The following KCNIP4 variants were observed in gnomAD, a reference collection of about 807,000 sequenced individuals.
KCNIP4 encodes Kv channel-interacting protein 4.
A neutral mutation model predicts 34.0 loss-of-function variants in KCNIP4; 12 were observed. That is an observed-to-expected ratio of 0.35 (90% CI 0.23 to 0.57). The LOEUF (loss-of-function observed/expected upper bound fraction) is 0.57. Ranked by LOEUF, KCNIP4 falls within the 20% of genes least tolerant of loss-of-function variation. KCNIP4 has a pLI of 0.83. For synonymous variants in KCNIP4, 124 were observed against 102.2 expected (o/e 1.21, Z -1.29); for missense variants, 238 against 311.7 (o/e 0.76, Z 1.78).
intron 1 of KCNIP4, among the ~76,000 whole-genome samples, chr4:21,178,538 G>T (rs1754605855): frequency 6.8e-6 from 1 of 146,522 alleles, no homozygotes; most frequent in Non-Finnish European, 1.5e-5. Context: ...AGTCCCATGG[G>T]TTTAACTTTC....
chr4:20,859,887 A>G (rs899529371), intron 2 of KCNIP4, among the ~76,000 whole-genome samples: 3 of 152,166 alleles, frequency 2.0e-5, no homozygotes, highest in African/African-American at 7.2e-5. Context: ...ATGAAGAATA[A>G]TGTCACTTTT....
chr4:21,531,346 CCCCTCCCT>C lies in KCNIP4; in HGVS notation c.61+417217_61+417224del, dbSNP rs1232382967. Among the ~76,000 whole-genome samples, 116 of 89,786 alleles carry C rather than the reference CCCCTCCCT, an allele frequency of 1.3e-3. 2 individuals are homozygous for C. The highest frequency in any genetic ancestry group is 4.8e-3 in the African/African-American group (105 of 21,984). The allele number at this position is 89,786 out of a possible 152,430, so 58.9% of individuals were successfully genotyped here. ...CTTCCTCCCTCCCTCCCTTCCCCTC[CCCCTCCCT>C]CCCTCCCTCCCTCCCTTCCTTCCTT... On this transcript the variant is annotated intron_variant, in intron 1 of 8. Transcript: ENST00000382152.
At chr4:21,923,117 G>A (rs1427299234) in intron 1 of KCNIP4, among the ~76,000 whole-genome samples, 1 of 152,042 alleles carries the variant, frequency 6.6e-6, no homozygotes, top group Non-Finnish European at 1.5e-5. Context: ...AGCTTCCACT[G>A]CACCCTCTGT....
intron 1 of KCNIP4, among the ~76,000 whole-genome samples, chr4:21,432,841 A>T (rs1726610811): frequency 6.6e-6 from 1 of 152,194 alleles, no homozygotes; most frequent in South Asian, 2.1e-4. Context: ...ACCAGGTCAG[A>T]TAGTTGAACC....
intron 1 of KCNIP4, among the ~76,000 whole-genome samples, chr4:20,910,630 C>A (rs1343452041): frequency 6.6e-6 from 1 of 152,162 alleles, no homozygotes; most frequent in East Asian, 1.9e-4. Context: ...CTCCCTGGTC[C>A]TTTTGTCCAG....
At chr4:21,408,479 A>C (rs985735247) in intron 1 of KCNIP4, among the ~76,000 whole-genome samples, 2 of 152,162 alleles carry the variant, frequency 1.3e-5, no homozygotes, top group Non-Finnish European at 2.9e-5. Context: ...CAGAAGGAGA[A>C]AAAGAGTAGA....
chr4:20,857,240 C>T (rs1352259073), intron 2 of KCNIP4, among the ~76,000 whole-genome samples: 1 of 152,118 alleles, frequency 6.6e-6, no homozygotes, highest in Non-Finnish European at 1.5e-5. Context: ...AGCAACACCA[C>T]CGAACCCAAT....
chr4:21,755,373 A>C (rs1238066886), intron 1 of KCNIP4, among the ~76,000 whole-genome samples: 1 of 152,202 alleles, frequency 6.6e-6, no homozygotes, highest in Non-Finnish European at 1.5e-5. Context: ...ACTTACTCTA[A>C]TAAGTCCTAA....
intron 4 of KCNIP4, among the ~76,000 whole-genome samples, chr4:20,752,055 GTTTTT>G (rs33912651): frequency 1.6e-5 from 2 of 121,676 alleles, no homozygotes; most frequent in Non-Finnish European, 3.3e-5. Context: ...ACTTCATAGA[GTTTTT>G]TTTTTTTTTT....
chr4:21,558,943 T>C (rs1739294488), intron 1 of KCNIP4, among the ~76,000 whole-genome samples: 1 of 152,150 alleles, frequency 6.6e-6, no homozygotes, highest in Non-Finnish European at 1.5e-5. Flanking sequence ...TGAAGTGTAT[T>C]TCAAGTCAAA....
At chr4:21,818,110 C>T (rs530693040) in intron 1 of KCNIP4, among the ~76,000 whole-genome samples, 70 of 152,296 alleles carry the variant, frequency 4.6e-4, no homozygotes, top group African/African-American at 1.6e-3. Flanking sequence ...AGGCAGGCAT[C>T]ATGGTCCTAC....
chr4:21,234,483 T>A (rs1759185741), intron 1 of KCNIP4, among the ~76,000 whole-genome samples: 1 of 105,636 alleles, frequency 9.5e-6, no homozygotes, highest in Admixed American at 1.0e-4. Flanking sequence ...ATAGTACATA[T>A]AACGTATATA....
chr4:20,968,992 A>T (rs1356827793), intron 1 of KCNIP4, among the ~76,000 whole-genome samples: 1 of 152,194 alleles, frequency 6.6e-6, no homozygotes, highest in African/African-American at 2.4e-5. Flanking sequence ...ATTTAAATTC[A>T]TCTAAGTAAA....
rs553485955 is a variant in KCNIP4 at position 21,547,021 on chromosome 4, C to T, written c.61+401550G>A. Among the ~76,000 whole-genome samples, 124 of 152,288 alleles carry T rather than the reference C, an allele frequency of 8.1e-4. No homozygotes were observed. The South Asian group carries it at 0.013, about 16-fold the overall frequency. On this transcript the variant is annotated intron_variant, in intron 1 of 8. Coordinates refer to ENST00000382152, the MANE Select transcript of KCNIP4 (RefSeq NM_025221.6). ...TCTACCACGGAAAAAAATATTTCCT[C>T]ATCACATTCATATTGCTGGGTTTGG...
chr4:20,734,774 T>TAAAAAAACAAAAACA, intron 5 of KCNIP4, 39 bp from the exon 6 acceptor site: 2 of 1,290,954 alleles, frequency 1.5e-6, no homozygotes, highest in Non-Finnish European at 2.2e-6. Context: ...ATGACATTTT[T>TAAAAAAACAAAAACA]AAAAAAACAA....
chr4:21,661,579 C>G (rs192946000), intron 1 of KCNIP4, among the ~76,000 whole-genome samples: 1 of 152,184 alleles, frequency 6.6e-6, no homozygotes, highest in Non-Finnish European at 1.5e-5. Context: ...GAATAGCAAT[C>G]CAGTTCTCAG....
At chr4:20,855,096 C>T (rs1721435647) in intron 2 of KCNIP4, among the ~76,000 whole-genome samples, 1 of 152,148 alleles carries the variant, frequency 6.6e-6, no homozygotes, top group African/African-American at 2.4e-5. Context: ...TAGAACCTTT[C>T]CTGGCCCAAG....
At position 21,015,749 on chromosome 4, in the gene KCNIP4, G is replaced by A. The variant is rs558549188; in HGVS notation, c.62-133040C>T. ...TTTCTAGATATATATTATATAATAT[G>A]ATATATAAATATATACAATATACAT... On this transcript the variant is annotated intron_variant, in intron 1 of 8. Transcript: ENST00000382152. Among the ~76,000 whole-genome samples the A allele has an allele frequency of 1.8e-3, 236 of 127,816 alleles. 6 individuals are homozygous for A. The South Asian group carries it at 0.051, about 27-fold the overall frequency. The allele number at this position is 127,816 out of a possible 152,430, so 83.9% of individuals were successfully genotyped here.
At chr4:21,643,857 GTGATGA>G (rs60573044) in intron 1 of KCNIP4, among the ~76,000 whole-genome samples, 7,585 of 147,160 alleles carry the variant, frequency 0.052, 213 homozygotes, top group Middle Eastern at 0.077. Context: ...TGATAGATAG[GTGATGA>G]TGATGATGAT....
Sources: allele counts gnomAD v4.1 joint callset (sites outside exome capture counted in the v4.1 genomes callset), GRCh38; gene constraint gnomAD v4.1.1; transcripts MANE v1.5; gene names NCBI Gene and HGNC (gene_info 2026-07-23, HGNC 2026-07-21).